NRG3: variants seen among roughly 807,000 people sequenced by gnomAD.
The protein encoded by NRG3 is neuregulin 3, also known as pro-neuregulin-3, membrane-bound isoform.
In NRG3, 31 loss-of-function variants were observed where a neutral mutation model predicts 66.9. The ratio of observed to expected loss-of-function variants is 0.46; its 90% confidence interval spans 0.35 to 0.63. The LOEUF is 0.63. Ranked by LOEUF, NRG3 falls within the 20% of genes least tolerant of loss-of-function variation. The pLI, the probability that NRG3 is intolerant of heterozygous loss-of-function variation, is 0.00. For synonymous variants in NRG3, 393 were observed against 359.4 expected (o/e 1.09, Z -1.06); for missense variants, 910 against 878.9 (o/e 1.04, Z -0.45).
chr10:82,577,075 G>A (rs2046075035), intron 2 of NRG3, among the ~76,000 whole-genome samples: 1 of 151,728 alleles, frequency 6.6e-6, no homozygotes, highest in South Asian at 2.1e-4. Flanking sequence ...AGTTATTCAA[G>A]AGATTGTGAC....
At position 82,476,738 on chromosome 10, in the gene NRG3, C is replaced by A. The variant is rs114063216; in HGVS notation, c.953+117870C>A. 9.0e-3 allele frequency among the ~76,000 whole-genome samples: 1,362 copies of A among 152,120 alleles called. 25 individuals are homozygous for A. Among genetic ancestry groups the A allele is most frequent in the African/African-American group, 0.031 (1,275 of 41,492 alleles). ...ATGGGGAGTTATTGTTTGACAGTTA[C>A]AGATATTCAGTTTGGGATGATGAAA... On this transcript the variant is annotated intron_variant, in intron 2 of 8. Coordinates refer to ENST00000372141, the MANE Select transcript of NRG3 (RefSeq NM_001010848.4).
At chr10:82,028,816 C>A (rs956668798) in intron 1 of NRG3, among the ~76,000 whole-genome samples, 1 of 152,036 alleles carries the variant, frequency 6.6e-6, no homozygotes, top group Non-Finnish European at 1.5e-5. Context: ...AAGAAATATG[C>A]TCACCCCGTA....
chr10:81,939,889 A>G (rs542619771), intron 1 of NRG3, among the ~76,000 whole-genome samples: 8 of 151,686 alleles, frequency 5.3e-5, no homozygotes, highest in South Asian at 4.2e-4. Flanking sequence ...TTTTTTTTAT[A>G]GAAATATAGG....
chr10:82,307,117 T>A (rs1363643777), intron 1 of NRG3, among the ~76,000 whole-genome samples: 1 of 152,148 alleles, frequency 6.6e-6, no homozygotes, highest in Non-Finnish European at 1.5e-5. Flanking sequence ...TTTGTTAATA[T>A]CCGATAGGCA....
chr10:82,016,332 G>A (rs1355455932), intron 1 of NRG3, among the ~76,000 whole-genome samples: 2 of 152,056 alleles, frequency 1.3e-5, no homozygotes, highest in Non-Finnish European at 2.9e-5. Flanking sequence ...AGATGGATGA[G>A]TAAGAGTCTA....
chr10:81,918,043 C>T (rs1457305817), intron 1 of NRG3, among the ~76,000 whole-genome samples: 1 of 152,168 alleles, frequency 6.6e-6, no homozygotes, highest in Non-Finnish European at 1.5e-5. Context: ...ATATGCCATG[C>T]TCAGAAAATA....
chr10:81,978,421 AG>A (rs2133435695), intron 1 of NRG3, among the ~76,000 whole-genome samples: 1 of 152,310 alleles, frequency 6.6e-6, no homozygotes, highest in South Asian at 2.1e-4. Flanking sequence ...TATAACTTTC[AG>A]GACCTTGGAC....
At chr10:82,798,340 C>T (rs1021919696) in intron 3 of NRG3, among the ~76,000 whole-genome samples, 5 of 152,084 alleles carry the variant, frequency 3.3e-5, no homozygotes, top group African/African-American at 1.2e-4. Flanking sequence ...AGGTGGCACA[C>T]AAGAAACTAT....
At chr10:82,789,121 A>G (rs1454769827) in intron 3 of NRG3, among the ~76,000 whole-genome samples, 4 of 152,130 alleles carry the variant, frequency 2.6e-5, no homozygotes, top group Non-Finnish European at 5.9e-5. Flanking sequence ...CCAGAAATAT[A>G]TGAGAATTCA....
intron 1 of NRG3, among the ~76,000 whole-genome samples, chr10:81,990,158 C>T (rs1184502524): frequency 6.6e-6 from 1 of 152,112 alleles, no homozygotes; most frequent in African/African-American, 2.4e-5. Context: ...TCTCAATGTT[C>T]TCATCTGTAA....
At chr10:82,563,718 C>T (rs931834216) in intron 2 of NRG3, among the ~76,000 whole-genome samples, 5 of 151,954 alleles carry the variant, frequency 3.3e-5, no homozygotes, top group Non-Finnish European at 7.4e-5. Context: ...ATATATCCAT[C>T]ATCTCACCTA....
At chr10:82,340,612 A>G (rs1035750949) in intron 1 of NRG3, among the ~76,000 whole-genome samples, 3 of 152,248 alleles carry the variant, frequency 2.0e-5, no homozygotes, top group African/African-American at 7.2e-5. Context: ...ATGTTTAGAC[A>G]TTAATTCAAA....
intron 3 of NRG3, among the ~76,000 whole-genome samples, chr10:82,763,328 A>G (rs1591447357): frequency 6.6e-6 from 1 of 152,196 alleles, no homozygotes; most frequent in Admixed American, 6.6e-5. Context: ...AGAAAGTATT[A>G]AAGAAATATC....
chr10:82,012,863 T>C (rs2061637837), intron 1 of NRG3, among the ~76,000 whole-genome samples: 1 of 152,210 alleles, frequency 6.6e-6, no homozygotes, highest in South Asian at 2.1e-4. Flanking sequence ...TCATTGTCCA[T>C]ACCACTGTCA....
intron 3 of NRG3, among the ~76,000 whole-genome samples, chr10:82,777,233 G>T (rs1222506314): frequency 6.6e-6 from 1 of 152,154 alleles, no homozygotes; most frequent in African/African-American, 2.4e-5. Flanking sequence ...CACTGTAGGA[G>T]TTTGTGGCAG....
At chr10:81,983,024 G>A (rs952775548) in intron 1 of NRG3, among the ~76,000 whole-genome samples, 2 of 152,024 alleles carry the variant, frequency 1.3e-5, no homozygotes, top group East Asian at 1.9e-4. Flanking sequence ...CCTGAGTCTC[G>A]GGCAGTGAGT....
rs981911205 is a variant in NRG3 at position 82,912,087 on chromosome 10, G to C, written c.1055-39382G>C. On this transcript the variant is annotated intron_variant, in intron 4 of 8. Coordinates refer to ENST00000372141, the MANE Select transcript of NRG3 (RefSeq NM_001010848.4). ...TTTCATGTGTTAAGATATGTTTTGTGACCCAGAATTTGGTGAATATTTTAT... is the reference window on the plus strand; with the variant it reads ...TTTCATGTGTTAAGATATGTTTTGTCACCCAGAATTTGGTGAATATTTTAT... 9.9e-5 allele frequency among the ~76,000 whole-genome samples: 15 copies of C among 152,078 alleles called. No homozygotes were observed. In the East Asian group the frequency reaches 2.9e-3, roughly 29 times the overall value.
chr10:82,879,222 T>C (rs1266716561), intron 4 of NRG3, among the ~76,000 whole-genome samples: 2 of 152,202 alleles, frequency 1.3e-5, no homozygotes, highest in African/African-American at 2.4e-5. Context: ...GCCCAATGCT[T>C]AGCATAATTA....
chr10:81,978,711 ATCTTTCTTTTT>A (rs748558416), intron 1 of NRG3, among the ~76,000 whole-genome samples: 62 of 152,050 alleles, frequency 4.1e-4, no homozygotes, highest in Non-Finnish European at 8.2e-4. Context: ...ATATATTTGC[ATCTTTCTTTTT>A]TCTTTCTTTT....
Sources: allele counts gnomAD v4.1 joint callset (sites outside exome capture counted in the v4.1 genomes callset), GRCh38; gene constraint gnomAD v4.1.1; transcripts MANE v1.5; gene names NCBI Gene and HGNC (gene_info 2026-07-23, HGNC 2026-07-21).